SH3PXD2B: variants seen among roughly 807,000 people sequenced by gnomAD.
SH3PXD2B encodes the protein SH3 and PX domain-containing protein 2B.
In SH3PXD2B, 37 loss-of-function variants were observed where a neutral mutation model predicts 73.1. The observed-to-expected ratio is 0.51, with a 90% confidence interval of 0.39 to 0.67. The LOEUF is 0.67. Ranked by LOEUF, SH3PXD2B falls within the 30% of genes least tolerant of loss-of-function variation. The pLI is 0.00. For synonymous variants in SH3PXD2B, 457 were observed against 480.5 expected, an observed-to-expected ratio of 0.95 and a Z score of 0.64; for missense variants, 1,053 against 1,197.8, an observed-to-expected ratio of 0.88 and a Z score of 1.78.
At chr5:172,408,194 A>G (rs187635747) in intron 2 of SH3PXD2B, among the ~76,000 whole-genome samples, 144 of 151,574 alleles carry the variant, frequency 9.5e-4, no homozygotes, top group Non-Finnish European at 8.3e-4. Flanking sequence ...CGCTAGCTAC[A>G]GGTTTATTAA....
chr5:172,347,535 T>G (rs1581264735), intron 10 of SH3PXD2B, among the ~76,000 whole-genome samples: 1 of 152,056 alleles, frequency 6.6e-6, no homozygotes, highest in East Asian at 1.9e-4. Context: ...TCGACGTAGC[T>G]TTTCTTGCAT....
At chr5:172,450,850 T>C (rs1414953834) in intron 1 of SH3PXD2B, among the ~76,000 whole-genome samples, 2 of 152,072 alleles carry the variant, frequency 1.3e-5, no homozygotes, top group African/African-American at 4.8e-5. Context: ...GCCCTCGGGC[T>C]CTAGTGCAGG....
intron 5 of SH3PXD2B, among the ~76,000 whole-genome samples, chr5:172,374,474 G>T (rs1192961966): frequency 6.6e-6 from 1 of 152,236 alleles, no homozygotes; most frequent in Non-Finnish European, 1.5e-5. Context: ...CTGAGGTCAG[G>T]AGTTTGAGAC....
chr5:172,387,997 G>GT (rs1194096721), intron 4 of SH3PXD2B, among the ~76,000 whole-genome samples: 4 of 151,942 alleles, frequency 2.6e-5, no homozygotes, highest in Non-Finnish European at 4.4e-5. Flanking sequence ...TATCTTTTTT[G>GT]TTTTTTTCCC....
intron 6 of SH3PXD2B, among the ~76,000 whole-genome samples, chr5:172,367,539 T>C (rs1757557809): frequency 6.6e-6 from 1 of 152,166 alleles, no homozygotes; most frequent in African/African-American, 2.4e-5. Context: ...TTTGATACCT[T>C]ATTAGACCTT....
intron 12 of SH3PXD2B, among the ~76,000 whole-genome samples, chr5:172,326,970 C>T (rs1488251337): frequency 1.3e-5 from 2 of 151,424 alleles, no homozygotes; most frequent in South Asian, 2.1e-4. Context: ...GATTCTCCTG[C>T]CTCAGCCTCC....
intron 12 of SH3PXD2B, among the ~76,000 whole-genome samples, chr5:172,328,039 G>A (rs987855315): frequency 1.5e-5 from 2 of 136,596 alleles, no homozygotes; most frequent in Non-Finnish European, 3.2e-5. Context: ...ATAGGCGTGA[G>A]CCACCACGCC....
rs1756844037 is a variant in SH3PXD2B at position 172,341,340 on chromosome 5, G to A, written c.1189-1424C>T. Among the ~76,000 whole-genome samples, 3 of 152,172 alleles carry A rather than the reference G, an allele frequency of 2.0e-5. 1 individual carries two copies. The highest frequency in any genetic ancestry group is 7.2e-5 in the African/African-American group (3 of 41,448). Reference sequence around the variant, plus strand: ...TTGAAATGTGATCCCCAATGATGGAGGTGGGGCCTGGTGGGAGGTGTTTGG... The same window carrying A: ...TTGAAATGTGATCCCCAATGATGGAAGTGGGGCCTGGTGGGAGGTGTTTGG... On this transcript the variant is annotated intron_variant, in intron 12 of 12. Transcript: ENST00000311601.
At chr5:172,427,467 T>G (rs1354235837) in intron 1 of SH3PXD2B, among the ~76,000 whole-genome samples, 2 of 152,154 alleles carry the variant, frequency 1.3e-5, no homozygotes, top group Non-Finnish European at 2.9e-5. Flanking sequence ...CACCTCAGCC[T>G]CCGAAGTAGC....
At position 172,334,594 on chromosome 5, in the gene SH3PXD2B, G is replaced by C; in HGVS notation, c.*3775C>G. On this transcript the variant is annotated 3_prime_UTR_variant, in exon 13 of 13. Transcript: ENST00000311601. Reference sequence around the variant, plus strand: ...CCAAAGAGAAAGGTACGGCCTCCAAGGGGGCAGCTTAAGCCAACATGTAAG... The same window carrying C: ...CCAAAGAGAAAGGTACGGCCTCCAACGGGGCAGCTTAAGCCAACATGTAAG... 1 of 985,480 alleles carries C rather than the reference G, an allele frequency of 1.0e-6. No individual in the cohort carries two copies. Among genetic ancestry groups the C allele is most frequent in the Non-Finnish European group, 1.2e-6 (1 of 829,948 alleles). 61.0% of individuals were successfully genotyped at this position (985,480 alleles called of 1,614,324 possible).
chr5:172,414,814 C>T (rs1246583459), intron 2 of SH3PXD2B, among the ~76,000 whole-genome samples: 1 of 152,184 alleles, frequency 6.6e-6, no homozygotes, highest in African/African-American at 2.4e-5. Context: ...GGTTCTGTGC[C>T]CCCCTGCCAA....
At chr5:172,409,326 G>A (rs894905554) in intron 2 of SH3PXD2B, among the ~76,000 whole-genome samples, 6 of 151,540 alleles carry the variant, frequency 4.0e-5, no homozygotes, top group Non-Finnish European at 7.4e-5. Flanking sequence ...AGGTTGCAGC[G>A]AGCCGAGACC....
intron 3 of SH3PXD2B, among the ~76,000 whole-genome samples, chr5:172,396,616 C>CTT (rs34169390): frequency 4.7e-5 from 6 of 126,512 alleles, no homozygotes; most frequent in Admixed American, 8.2e-5. Context: ...GAGAGAAAGC[C>CTT]TTTTTTTTTT....
At chr5:172,378,101 C>T (rs1757857622) in intron 5 of SH3PXD2B, among the ~76,000 whole-genome samples, 1 of 152,220 alleles carries the variant, frequency 6.6e-6, no homozygotes, top group South Asian at 2.1e-4. Flanking sequence ...TCCGGGACTT[C>T]CCACCTCCTC....
intron 8 of SH3PXD2B, among the ~76,000 whole-genome samples, chr5:172,358,555 T>C (rs557651894): frequency 9.3e-4 from 141 of 152,268 alleles, no homozygotes; most frequent in African/African-American, 2.9e-3. Flanking sequence ...CAGGCTCACA[T>C]AGGTTGCTAC....
Position 172,335,870 on chromosome 5 carries a change from T to A in SH3PXD2B, c.*2499A>T. 8.2e-7 allele frequency: 1 copy of A among 1,224,092 alleles called. No homozygotes were observed. The highest frequency in any genetic ancestry group is 1.0e-6 in the Non-Finnish European group (1 of 983,698). The allele number at this position is 1,224,092 out of a possible 1,614,324, so 75.8% of individuals were successfully genotyped here. The stretch of plus-strand genomic sequence containing the variant: ...TAGATATGACTCAAGGAGAGAACAG[T>A]GAACAGAGAGGACTGTGGCTTCAGT... On this transcript the variant is annotated 3_prime_UTR_variant, in exon 13 of 13. Coordinates refer to ENST00000311601, the MANE Select transcript of SH3PXD2B (RefSeq NM_001017995.3).
chr5:172,379,295 C>T (rs1434822249), intron 5 of SH3PXD2B, among the ~76,000 whole-genome samples: 1 of 141,754 alleles, frequency 7.1e-6, no homozygotes, highest in Non-Finnish European at 1.5e-5. Flanking sequence ...ATAGCCAGAC[C>T]CTGTCTCTAC....
chr5:172,415,395 A>C (rs779690025), intron 2 of SH3PXD2B, among the ~76,000 whole-genome samples: 1 of 152,206 alleles, frequency 6.6e-6, no homozygotes, highest in Admixed American at 6.5e-5. Flanking sequence ...GGGTAAATCT[A>C]TCTTTCAATA....
chr5:172,334,387 GC>G lies in SH3PXD2B; in HGVS notation c.*3981del. 1.0e-6 allele frequency: 1 copy of G among 991,778 alleles called. No homozygotes were observed. 61.4% of individuals were successfully genotyped at this position (991,778 alleles called of 1,614,324 possible). A position where few individuals can be genotyped will look rare whatever the true frequency, so the allele number is the denominator to read the frequency against. On this transcript the variant is annotated 3_prime_UTR_variant, in exon 13 of 13. Transcript: ENST00000311601. ...AAGAGAGGGCGCCCTGCACCCTCAG[GC>G]CTCGATGCATGCTGCTCTACCTCTC...
Sources: gnomAD v4.1 joint callset for allele counts (sites outside exome capture counted in the v4.1 genomes callset) on GRCh38, gnomAD v4.1.1 for gene constraint, MANE v1.5 for transcripts, NCBI Gene and HGNC (gene_info 2026-07-23, HGNC 2026-07-21) for gene names.